The following LRP1B variants were observed in gnomAD, a reference collection of about 807,000 sequenced individuals.
The protein encoded by LRP1B is low-density lipoprotein receptor-related protein 1B.
In LRP1B, 217 loss-of-function variants were observed where a neutral mutation model predicts 556.6. The ratio of observed to expected loss-of-function variants is 0.39; its 90% CI spans 0.35 to 0.44. The LOEUF (loss-of-function observed/expected upper bound fraction) is 0.44, where lower values mean the gene tolerates loss of function less well. LRP1B is among the 20% of genes least tolerant of loss of function. LRP1B has a pLI of 1.00. For synonymous variants in LRP1B, 2,047 were observed against 1,865.8 expected (o/e 1.10, Z -2.50); for missense variants, 5,053 against 5,620.8 (o/e 0.90, Z 3.23).
chr2:141,812,771 A>G (rs1340648415), intron 1 of LRP1B, among the ~76,000 whole-genome samples: 2 of 152,142 alleles, frequency 1.3e-5, no homozygotes, highest in Non-Finnish European at 2.9e-5. Context: ...GAAGATTTCA[A>G]GATGATTTGA....
At chr2:141,568,218 C>T (rs1686403364) in intron 2 of LRP1B, among the ~76,000 whole-genome samples, 1 of 150,966 alleles carries the variant, frequency 6.6e-6, no homozygotes, top group Admixed American at 6.6e-5. Flanking sequence ...CTAACAAAAT[C>T]ACAATGTCAT....
chr2:141,544,349 CTTCTTCTTCTTCTTCTTCTTCTTCTTCTT>C (rs1685444879), intron 2 of LRP1B, among the ~76,000 whole-genome samples: 1 of 85,876 alleles, frequency 1.2e-5, no homozygotes, highest in Non-Finnish European at 2.4e-5. Flanking sequence ...TCTTCTTCTT[CTTCTTCTTCTTCTTCTTCTTCTTCTTCTT>C]CTTCTCCTCC....
intron 21 of LRP1B, among the ~76,000 whole-genome samples, chr2:140,915,736 T>C (rs1428776987): frequency 6.6e-6 from 1 of 151,856 alleles, no homozygotes; most frequent in African/African-American, 2.4e-5. Context: ...AATTGTTTAT[T>C]CTTCTTTATA....
At chr2:140,951,975 T>C (rs373525519) in intron 18 of LRP1B, 35 bp from the exon 19 acceptor site, 35 of 1,386,590 alleles carry the variant, frequency 2.5e-5, no homozygotes, top group African/African-American at 2.1e-4. Flanking sequence ...AAAGGTAACA[T>C]GTTATTGACT....
intron 2 of LRP1B, among the ~76,000 whole-genome samples, chr2:141,772,553 T>A (rs1268818930): frequency 6.6e-6 from 1 of 152,182 alleles, no homozygotes. Flanking sequence ...GGTCCGGCGC[T>A]GGTGGATTCA....
intron 3 of LRP1B, among the ~76,000 whole-genome samples, chr2:141,339,766 CTTTTATTTA>C (rs145955675): frequency 0.59 from 89,446 of 150,944 alleles, 27,260 homozygotes; most frequent in African/African-American, 0.68. Context: ...TTATTTTTCT[CTTTTATTTA>C]TTTATTTATT....
intron 1 of LRP1B, among the ~76,000 whole-genome samples, chr2:141,880,724 A>G (rs934753183): frequency 2.6e-5 from 4 of 152,056 alleles, no homozygotes; most frequent in Non-Finnish European, 5.9e-5. Context: ...AGTATCAATA[A>G]TTTAAATGTG....
chr2:141,118,470 C>CT (rs1574091478), intron 7 of LRP1B, among the ~76,000 whole-genome samples: 2 of 151,872 alleles, frequency 1.3e-5, no homozygotes, highest in African/African-American at 2.4e-5. Flanking sequence ...CAAGAGCTGA[C>CT]TTTTTTGTAA....
At chr2:141,228,582 A>AGT (rs3063860) in intron 6 of LRP1B, among the ~76,000 whole-genome samples, 82,437 of 146,178 alleles carry the variant, frequency 0.56, 23,612 homozygotes, top group Middle Eastern at 0.66. Flanking sequence ...TGTGTGTATG[A>AGT]GTGTGTGTGT....
intron 87 of LRP1B, among the ~76,000 whole-genome samples, chr2:140,243,724 C>T (rs1261694317): frequency 6.6e-6 from 1 of 151,120 alleles, no homozygotes; most frequent in Non-Finnish European, 1.5e-5. Flanking sequence ...TCACTTTGTA[C>T]CACTCTCCCC....
chr2:141,071,015 A>G (rs1574043451), intron 7 of LRP1B, among the ~76,000 whole-genome samples: 1 of 152,312 alleles, frequency 6.6e-6, no homozygotes, highest in East Asian at 1.9e-4. Flanking sequence ...TGAGGCCAGC[A>G]TCGTCCTGAT....
At chr2:141,946,310 C>A (rs1015684357) in intron 1 of LRP1B, among the ~76,000 whole-genome samples, 1 of 151,998 alleles carries the variant, frequency 6.6e-6, no homozygotes, top group African/African-American at 2.4e-5. Context: ...TCAAACTGAC[C>A]CACTGATTAC....
chr2:140,711,146 A>T (rs12473112), intron 37 of LRP1B, among the ~76,000 whole-genome samples: 46 of 152,158 alleles, frequency 3.0e-4, no homozygotes, highest in South Asian at 6.2e-4. Context: ...TCACTTAAAC[A>T]TTTACAGCAT....
intron 2 of LRP1B, among the ~76,000 whole-genome samples, chr2:141,749,873 G>A (rs1336847403): frequency 6.6e-6 from 1 of 152,086 alleles, no homozygotes; most frequent in Non-Finnish European, 1.5e-5. Context: ...ATGCCTGGAT[G>A]CTTGAAACAC....
chr2:141,412,493 A>G (rs1203531777), intron 3 of LRP1B, among the ~76,000 whole-genome samples: 1 of 152,212 alleles, frequency 6.6e-6, no homozygotes, highest in Admixed American at 6.5e-5. Flanking sequence ...ACAGAAGTTG[A>G]GTGCTTCCTC....
At chr2:142,124,804 T>C (rs1463469026) in intron 1 of LRP1B, among the ~76,000 whole-genome samples, 1 of 151,908 alleles carries the variant, frequency 6.6e-6, no homozygotes, top group East Asian at 1.9e-4. Flanking sequence ...TAGAAATATG[T>C]TGCATAATTC....
chr2:142,047,466 A>G (rs1704300712), intron 1 of LRP1B, among the ~76,000 whole-genome samples: 1 of 152,004 alleles, frequency 6.6e-6, no homozygotes, highest in Non-Finnish European at 1.5e-5. Flanking sequence ...TAATTTTGTT[A>G]GTGTGTTTAA....
intron 11 of LRP1B, among the ~76,000 whole-genome samples, chr2:141,024,043 C>T (rs140837277): frequency 1.3e-4 from 20 of 152,088 alleles, no homozygotes; most frequent in Admixed American, 3.9e-4. Flanking sequence ...TTTCCTGTCT[C>T]CTATTCTTGT....
intron 3 of LRP1B, among the ~76,000 whole-genome samples, chr2:141,374,185 A>G (rs999845651): frequency 2.6e-5 from 4 of 152,092 alleles, no homozygotes; most frequent in Admixed American, 1.3e-4. Flanking sequence ...TTCTTTCAGC[A>G]CTTTGAATAT....
Sources: allele counts gnomAD v4.1 joint callset (sites outside exome capture counted in the v4.1 genomes callset), GRCh38; gene constraint gnomAD v4.1.1; transcripts MANE v1.5; gene names NCBI Gene and HGNC (gene_info 2026-07-23, HGNC 2026-07-21).